Variants in GNB4 observed in about 807,000 individuals in gnomAD.
GNB4 encodes G protein subunit beta 4.
Under a neutral mutation model 45.2 loss-of-function variants are expected in GNB4, and 28 were observed. The ratio of observed to expected loss-of-function variants is 0.62; its 90% CI spans 0.46 to 0.85. The LOEUF is 0.85. GNB4 is among the 40% of genes least tolerant of loss of function. The pLI, the probability that GNB4 is intolerant of heterozygous loss-of-function variation, is 0.00. For missense variants in GNB4, 321 were observed against 425.4 expected (o/e 0.75, Z 2.16); for synonymous variants, 132 against 143.7 (o/e 0.92, Z 0.58).
At chr3:179,506,608 A>AT in the GNB4 span, among the ~76,000 whole-genome samples, 487 of 152,308 alleles carry the variant, frequency 3.2e-3, 2 homozygotes, top group African/African-American at 0.011. Flanking sequence ...AGAAAACTTG[A>AT]ACGAACTTAG....
chr3:179,426,389 T>C (rs530258292), intron 1 of GNB4, 147 bp from the exon 2 acceptor site: 1 of 557,560 alleles, frequency 1.8e-6, no homozygotes, highest in Non-Finnish European at 3.1e-6. Context: ...AGATGCTTAG[T>C]AAATATAGAA....
At chr3:179,502,072 T>C in the GNB4 span, among the ~76,000 whole-genome samples, 1 of 152,180 alleles carries the variant, frequency 6.6e-6, no homozygotes, top group South Asian at 2.1e-4. Context: ...AAGCCTAAGT[T>C]AAAGAGAACT....
In GNB4 at chr3:179,418,785, A is replaced by G. The variant is rs187410380; in HGVS notation, c.203+614T>C. 3.6e-3 allele frequency among the ~76,000 whole-genome samples: 543 copies of G among 152,390 alleles called. 1 individual carries two copies. The highest frequency in any genetic ancestry group is 0.014 in the Middle Eastern group (4 of 294). ...GATAGCAGACACATCTGCTATTGCC[A>G]GACAATGGAAAAACATAGGCTGTGC... On this transcript the variant is annotated intron_variant, in intron 4 of 9. Transcript: ENST00000232564.
At chr3:179,497,278 A>T in the GNB4 span, among the ~76,000 whole-genome samples, 1 of 152,262 alleles carries the variant, frequency 6.6e-6, no homozygotes, top group Admixed American at 6.5e-5. Flanking sequence ...TTAGTAAATT[A>T]TATTGGAAAA....
chr3:179,430,469 C>T (rs768599610), intron 1 of GNB4, among the ~76,000 whole-genome samples: 19 of 151,664 alleles, frequency 1.3e-4, no homozygotes, highest in Non-Finnish European at 2.7e-4. Flanking sequence ...TTCATTCATT[C>T]TGAGACAGGG....
In GNB4 at chr3:179,416,538, A is replaced by G. The variant is rs761563137; in HGVS notation, c.222T>C (p.Ser74=). Residue 74 remains serine, a synonymous_variant, in exon 5 of 10, where the codon TCT becomes TCC. Coordinates refer to ENST00000232564, the MANE Select transcript of GNB4 (RefSeq NM_021629.4). ...GYDSRLLVSA[S]QDGKLIIWDS... ...CCCAAATAATTAATTTTCCATCTTGAGAAGCACTGACTAGCAGCCTAGAGG... is the reference window on the plus strand; with the variant it reads ...CCCAAATAATTAATTTTCCATCTTGGGAAGCACTGACTAGCAGCCTAGAGG... 1 of 1,597,226 alleles carries G rather than the reference A, an allele frequency of 6.3e-7. No homozygotes were observed. The highest frequency in any genetic ancestry group is 8.5e-7 in the Non-Finnish European group (1 of 1,171,052).
Position 179,419,424 on chromosome 3 carries a change from C to A in GNB4, c.178G>T (p.Ala60Ser), listed in dbSNP as rs1003504928. The A allele has an allele frequency of 6.8e-6, 11 of 1,610,000 alleles. No homozygotes were observed. Among genetic ancestry groups the A allele is most frequent in the Non-Finnish European group, 9.4e-6 (11 of 1,176,286 alleles). ...CTGGAATCGTATCCCCAATGCATAGCATAGATTTTAGCTAGGTGGCCCCTC... is the reference window on the plus strand; with the variant it reads ...CTGGAATCGTATCCCCAATGCATAGAATAGATTTTAGCTAGGTGGCCCCTC... ...TLRGHLAKIY[A>S]MHWGYDSRLL... Residue 60 changes from alanine (A) to serine (S), a missense_variant, in exon 4 of 10, where the codon GCT becomes TCT. Physicochemically the swap from Ala to Ser is moderately conservative, Grantham distance 99. Coordinates refer to ENST00000232564, the MANE Select transcript of GNB4 (RefSeq NM_021629.4).
chr3:179,441,694 G>A (rs574996790), intron 1 of GNB4, among the ~76,000 whole-genome samples: 1 of 149,662 alleles, frequency 6.7e-6, no homozygotes, highest in African/African-American at 2.5e-5. Context: ...AGAGGTTGCA[G>A]TGAGCCAAAA....
chr3:179,397,158 T>C lies in GNB4; in HGVS notation c.*4055A>G, dbSNP rs528803004. On this transcript the variant is annotated 3_prime_UTR_variant, in exon 10 of 10. Coordinates refer to ENST00000232564, the MANE Select transcript of GNB4 (RefSeq NM_021629.4). ...AATGATGACAGGCCCAAATGGGGGA[T>C]TGTTTAACCAGTTTTCCTAAGTTAA... 3.9e-5 allele frequency: 6 copies of C among 152,344 alleles called. No individual in the cohort carries two copies. Among genetic ancestry groups the C allele is most frequent in the South Asian group, 2.1e-4 (1 of 4,828 alleles). The allele number at this position is 152,344 out of a possible 1,614,324, so 9.4% of individuals were successfully genotyped here. A position where few individuals can be genotyped will look rare whatever the true frequency, so the allele number is the denominator to read the frequency against.
At chr3:179,519,967 C>T in the GNB4 span, among the ~76,000 whole-genome samples, 6 of 152,114 alleles carry the variant, frequency 3.9e-5, no homozygotes, top group Admixed American at 3.3e-4. Context: ...GTCCAAAAAC[C>T]GGAAAGCCTT....
intron 3 of GNB4, 28 bp from the exon 4 acceptor site, chr3:179,419,533 T>G (rs750617657): frequency 3.2e-5 from 42 of 1,317,294 alleles, no homozygotes; most frequent in Non-Finnish European, 3.2e-5. Context: ...AATGTTATTC[T>G]TTACCTTAAT....
chr3:179,447,425 T>C (rs1208865764), intron 1 of GNB4, among the ~76,000 whole-genome samples: 2 of 151,534 alleles, frequency 1.3e-5, no homozygotes, highest in African/African-American at 4.8e-5. Context: ...CATGGCTCAC[T>C]GCAACTTTGA....
At chr3:179,527,412 A>G in the GNB4 span, among the ~76,000 whole-genome samples, 3 of 152,248 alleles carry the variant, frequency 2.0e-5, no homozygotes, top group South Asian at 4.1e-4. Flanking sequence ...TGAGATGCTT[A>G]GACATCCAGA....
Position 179,398,840 on chromosome 3 carries a change from T to C in GNB4, c.*2373A>G, listed in dbSNP as rs553435933. 1 of 103,490 alleles carries C rather than the reference T, an allele frequency of 9.7e-6. No individual in the cohort carries two copies. The highest frequency in any genetic ancestry group is 3.1e-4 in the East Asian group (1 of 3,222). 6.4% of individuals were successfully genotyped at this position (103,490 alleles called of 1,614,324 possible). A position where few individuals can be genotyped will look rare whatever the true frequency, so the allele number is the denominator to read the frequency against. On this transcript the variant is annotated 3_prime_UTR_variant, in exon 10 of 10. Transcript: ENST00000232564. ...TGTATAATTAACCACAAGTGTTAAA[T>C]AGTTTTTAGTTGCCGAGTAAATATT...
At chr3:179,498,374 C>G in the GNB4 span, among the ~76,000 whole-genome samples, 1 of 152,184 alleles carries the variant, frequency 6.6e-6, no homozygotes, top group Admixed American at 6.5e-5. Flanking sequence ...CCAGTGGGTA[C>G]TCTGGAACAC....
rs759066145 is a variant in GNB4, at chr3:179,419,404, A to T, written c.198T>A (p.Asp66Glu). The T allele has an allele frequency of 1.3e-6, 2 of 1,584,488 alleles. No homozygotes were observed. Among genetic ancestry groups the T allele is most frequent in the Admixed American group, 3.3e-5 (2 of 59,912 alleles). ...AGGTAATGACAGGTACAAACCTGGA[A>T]TCGTATCCCCAATGCATAGCATAGA... ...AKIYAMHWGY[D>E]SRLLVSASQD... The change falls in exon 4 of 10, where the codon GAT becomes GAA. Residue 66 changes from aspartate to glutamate, a missense_variant. Coordinates refer to ENST00000232564, the MANE Select transcript of GNB4 (RefSeq NM_021629.4).
In GNB4 at chr3:179,418,196, G is replaced by A. The variant is rs115781499; in HGVS notation, c.203+1203C>T. 2.1e-3 allele frequency among the ~76,000 whole-genome samples: 320 copies of A among 152,068 alleles called. 1 individual carries two copies. Among genetic ancestry groups the A allele is most frequent in the African/African-American group, 7.4e-3 (306 of 41,502 alleles). On this transcript the variant is annotated intron_variant, in intron 4 of 9. Transcript: ENST00000232564. ...AAGAATAAGACATTCGGCCAGGCGC[G>A]GTGGCTCACACCTGATTAATCCCAG...
At chr3:179,455,956 A>G (rs1398544046), upstream of GNB4, among the ~76,000 whole-genome samples, 2 of 152,186 alleles carry the variant, frequency 1.3e-5, no homozygotes, top group African/African-American at 4.8e-5. Context: ...TCCTTGCATT[A>G]GAGTGGCTGG....
intron 4 of GNB4, among the ~76,000 whole-genome samples, chr3:179,418,969 C>T (rs1314716396): frequency 6.6e-6 from 1 of 152,224 alleles, no homozygotes; most frequent in Non-Finnish European, 1.5e-5. Context: ...AAGATGTATT[C>T]AGTACAAACA....
Sources: gnomAD v4.1 joint callset for allele counts (sites outside exome capture counted in the v4.1 genomes callset) on GRCh38, gnomAD v4.1.1 for gene constraint, MANE v1.5 for transcripts, NCBI Gene and HGNC (gene_info 2026-07-23, HGNC 2026-07-21) for gene names.